The following SLC2A13 variants were observed in gnomAD, a reference collection of about 807,000 sequenced individuals.
SLC2A13 encodes the protein proton myo-inositol cotransporter.
SLC2A13 carries 32 observed loss-of-function variants against 64.4 expected under a neutral mutation model. The observed-to-expected ratio is 0.50, with a 90% CI of 0.37 to 0.67. The LOEUF (loss-of-function observed/expected upper bound fraction) is 0.67, where lower values mean the gene tolerates loss of function less well. Ranked by LOEUF, SLC2A13 falls within the 30% of genes least tolerant of loss-of-function variation. The pLI is 0.00. For missense variants in SLC2A13, 743 were observed against 829.2 expected (o/e 0.90, Z 1.28); for synonymous variants, 338 against 327.1 (o/e 1.03, Z -0.36).
chr12:40,053,281 C>CAAAA (rs35810974), intron 1 of SLC2A13, among the ~76,000 whole-genome samples: 5 of 69,086 alleles, frequency 7.2e-5, no homozygotes, highest in African/African-American at 2.1e-4. Context: ...GACTCCATCT[C>CAAAA]AAAAAAAAAA....
chr12:39,787,532 C>A (rs6581338), intron 7 of SLC2A13, among the ~76,000 whole-genome samples: 1 of 152,098 alleles, frequency 6.6e-6, no homozygotes, highest in African/African-American at 2.4e-5. Context: ...CCCAGGCATA[C>A]TACTTTTCTT....
chr12:40,043,579 T>C (rs891445039), intron 2 of SLC2A13, among the ~76,000 whole-genome samples: 3 of 152,150 alleles, frequency 2.0e-5, no homozygotes, highest in African/African-American at 7.2e-5. Context: ...TTGGTTAGGA[T>C]CAAATGGTAT....
At chr12:39,803,644 TGAA>T (rs1941878142) in intron 7 of SLC2A13, among the ~76,000 whole-genome samples, 1 of 151,948 alleles carries the variant, frequency 6.6e-6, no homozygotes, top group Non-Finnish European at 1.5e-5. Flanking sequence ...TGGATATATG[TGAA>T]GAAAAGCAGT....
intron 3 of SLC2A13, among the ~76,000 whole-genome samples, chr12:39,952,671 T>C (rs1249825143): frequency 3.3e-5 from 5 of 152,190 alleles, no homozygotes; most frequent in Admixed American, 2.0e-4. Flanking sequence ...TAGAGAAGCG[T>C]TGATGGTCAT....
intron 4 of SLC2A13, among the ~76,000 whole-genome samples, chr12:39,895,262 G>A (rs181036163): frequency 7.9e-5 from 12 of 151,734 alleles, no homozygotes; most frequent in East Asian, 5.8e-4. Context: ...AGGCCGAGGC[G>A]GGCGGATCAT....
chr12:40,074,708 CCT>C (rs998351210), intron 1 of SLC2A13, among the ~76,000 whole-genome samples: 4 of 152,200 alleles, frequency 2.6e-5, no homozygotes, highest in African/African-American at 4.8e-5. Context: ...CATTTTTCCC[CCT>C]TTTACTGTAT....
chr12:39,956,918 G>A (rs1231956839), intron 3 of SLC2A13, among the ~76,000 whole-genome samples: 1 of 152,076 alleles, frequency 6.6e-6, no homozygotes, highest in East Asian at 1.9e-4. Context: ...CTCACTGGGA[G>A]CAAGATAATC....
At chr12:39,770,746 C>T (rs899832973) in intron 7 of SLC2A13, among the ~76,000 whole-genome samples, 1 of 152,144 alleles carries the variant, frequency 6.6e-6, no homozygotes, top group East Asian at 1.9e-4. Flanking sequence ...GTTAACACCA[C>T]CTTACCCTAA....
intron 4 of SLC2A13, among the ~76,000 whole-genome samples, chr12:39,875,988 A>G (rs1200844336): frequency 6.6e-6 from 1 of 152,242 alleles, no homozygotes; most frequent in Non-Finnish European, 1.5e-5. Flanking sequence ...TGAACAACTG[A>G]AAAAGGCTTT....
chr12:40,066,181 A>G, intron 1 of SLC2A13, among the ~76,000 whole-genome samples: 1 of 152,208 alleles, frequency 6.6e-6, no homozygotes, highest in East Asian at 1.9e-4. Flanking sequence ...CTCTCCAGGC[A>G]AAGAGGTCAA....
intron 4 of SLC2A13, among the ~76,000 whole-genome samples, chr12:39,934,833 G>A (rs139108217): frequency 2.2e-4 from 33 of 152,156 alleles, no homozygotes; most frequent in South Asian, 1.5e-3. Flanking sequence ...TGATCTTATC[G>A]AAATAAATGA....
chr12:40,102,019 G>C (rs931067486), intron 1 of SLC2A13, among the ~76,000 whole-genome samples: 10 of 152,120 alleles, frequency 6.6e-5, no homozygotes, highest in African/African-American at 2.2e-4. Context: ...ATCATCTGCT[G>C]AACACCTACT....
intron 6 of SLC2A13, among the ~76,000 whole-genome samples, chr12:39,855,079 T>G (rs1374485318): frequency 1.3e-5 from 2 of 152,178 alleles, no homozygotes; most frequent in African/African-American, 4.8e-5. Flanking sequence ...AGTCACATAT[T>G]TTCATATCCC....
chr12:39,980,619 G>C (rs1362060879), intron 3 of SLC2A13, among the ~76,000 whole-genome samples: 5 of 150,218 alleles, frequency 3.3e-5, no homozygotes, highest in Admixed American at 2.6e-4. Context: ...AACAAGAGGA[G>C]CTAACTATCC....
Position 40,100,430 on chromosome 12 carries a change from G to A in SLC2A13, c.556+4823C>T, listed in dbSNP as rs544220629. Among the ~76,000 whole-genome samples the A allele has an allele frequency of 5.9e-5, 9 of 152,320 alleles. No individual in the cohort carries two copies. The South Asian group carries it at 1.9e-3, about 32-fold the overall frequency. ...GGGCTAATGGGTATGCTTTTTCACT[G>A]ACTGTGTACATGCTAATAGTGTTAA... On this transcript the variant is annotated intron_variant, in intron 1 of 9. Transcript: ENST00000280871.
intron 4 of SLC2A13, among the ~76,000 whole-genome samples, chr12:39,942,530 A>G (rs1946050957): frequency 6.6e-6 from 1 of 152,226 alleles, no homozygotes; most frequent in South Asian, 2.1e-4. Flanking sequence ...GTTGGTGTAT[A>G]GAAGAGCTAC....
At chr12:39,911,059 G>A (rs898896250) in intron 4 of SLC2A13, among the ~76,000 whole-genome samples, 4 of 151,970 alleles carry the variant, frequency 2.6e-5, no homozygotes, top group African/African-American at 9.7e-5. Context: ...ATTCTAGCCT[G>A]GGCAACAAGA....
intron 1 of SLC2A13, among the ~76,000 whole-genome samples, chr12:40,103,653 A>G (rs1306950040): frequency 6.6e-6 from 1 of 152,192 alleles, no homozygotes; most frequent in African/African-American, 2.4e-5. Context: ...TCAATTTCAA[A>G]ATTACAGAAA....
rs1218271210 is a variant in SLC2A13 at position 39,757,621 on chromosome 12, C to T, written c.*2405G>A. On this transcript the variant is annotated 3_prime_UTR_variant, in exon 10 of 10. Coordinates refer to ENST00000280871, the MANE Select transcript of SLC2A13 (RefSeq NM_052885.4). Reference sequence around the variant, plus strand: ...AAGATATGGAATATTATCTTTAACACTATATAAATAACAAATAGTCCTTTA... The same window carrying T: ...AAGATATGGAATATTATCTTTAACATTATATAAATAACAAATAGTCCTTTA... The T allele has an allele frequency of 6.6e-6, 1 of 151,828 alleles. No homozygotes were observed. Among genetic ancestry groups the T allele is most frequent in the East Asian group, 1.9e-4 (1 of 5,298 alleles). 9.4% of individuals were successfully genotyped at this position (151,828 alleles called of 1,614,324 possible). A position where few individuals can be genotyped will look rare whatever the true frequency, so the allele number is the denominator to read the frequency against.
Sources: gnomAD v4.1 joint callset for allele counts (sites outside exome capture counted in the v4.1 genomes callset) on GRCh38, gnomAD v4.1.1 for gene constraint, MANE v1.5 for transcripts, NCBI Gene and HGNC (gene_info 2026-07-23, HGNC 2026-07-21) for gene names.